Variants in EPHB4 observed in about 807,000 individuals in gnomAD.
EPHB4 encodes EPH receptor B4, also known as ephrin type-B receptor 4.
In EPHB4, 50 loss-of-function variants were observed where a neutral mutation model predicts 110.6. That is an observed-to-expected ratio of 0.45 (90% CI 0.36 to 0.57). EPHB4 has a LOEUF of 0.57. Ranked by LOEUF, EPHB4 falls within the 20% of genes least tolerant of loss-of-function variation. The probability of loss-of-function intolerance (pLI) is 0.00; values close to 1 mark genes in which losing one functional copy is unlikely to be tolerated. For missense variants in EPHB4, 1,128 were observed against 1,382.1 expected (o/e 0.82, Z 2.91); for synonymous variants, 592 against 578.4 (o/e 1.02, Z -0.34).
chr7:100,822,503 G>A lies in EPHB4; in HGVS notation c.576C>T (p.Leu192=), dbSNP rs1427578173. The A allele has an allele frequency of 1.2e-6, 2 of 1,613,424 alleles. No individual in the cohort carries two copies. The highest frequency in any genetic ancestry group is 2.2e-5 in the East Asian group (1 of 44,876). ...GACMALLSLH[L]FYKKCAQLTV... ...TCAGCTGGGCGCACTTTTTGTAGAA[G>A]AGGTGCAGGGATAGCAGGGCCATGC... Residue 192 remains leucine, a synonymous_variant, in exon 4 of 17, where the codon CTC becomes CTT. Transcript: ENST00000358173. The surrounding 1 kb of genome is among the most constrained non-coding windows in gnomAD (Gnocchi z 4.7).
At chr7:100,817,611 G>A (rs932944039) in intron 7 of EPHB4, among the ~76,000 whole-genome samples, 8 of 152,024 alleles carry the variant, frequency 5.3e-5, no homozygotes, top group Non-Finnish European at 1.0e-4. Context: ...ACCTCAAGTC[G>A]AGAATCACTT....
rs751727413 is a variant in EPHB4 at position 100,823,861 on chromosome 7, C to T, written c.194G>A (p.Arg65His). 2.5e-6 allele frequency: 4 copies of T among 1,612,394 alleles called. No individual in the cohort carries two copies. Among genetic ancestry groups the T allele is most frequent in the East Asian group, 4.5e-5 (2 of 44,850 alleles). The change falls in exon 3 of 17, where the codon CGT (arginine) becomes CAT (histidine). Residue 65 changes from arginine to histidine, a missense_variant. Arg to His is a conservative substitution (Grantham distance 29). Transcript: ENST00000358173. ...AAGCCAGTGGGCCTGGCCCGGGGCA[C>T]GCTGCACGTCACACACTTCGTAGGT... ...VRTYEVCDVQ[R>H]APGQAHWLRT...
intron 14 of EPHB4, 196 bp from the exon 15 acceptor site, chr7:100,805,890 C>T (rs1812808578): frequency 4.2e-6 from 2 of 480,702 alleles, no homozygotes; most frequent in South Asian, 6.4e-5. Context: ...GGCTATGATA[C>T]AGACATGTTA....
rs756371647 is a variant in EPHB4, at chr7:100,818,482, C to A, written c.1422+38G>T. 4 of 1,607,434 alleles carry A rather than the reference C, an allele frequency of 2.5e-6. No individual in the cohort carries two copies. In the African/African-American group the frequency reaches 4.0e-5, roughly 16 times the overall value. The stretch of plus-strand genomic sequence containing the variant: ...GTGTCCCAGCCAGGAGAGCACAACC[C>A]ATTGCCCACCCACCCCAGGGCTGGG... On this transcript the variant is annotated intron_variant, in intron 7 of 16. Transcript: ENST00000358173.
At chr7:100,826,251 G>A (rs988491242) in intron 1 of EPHB4, among the ~76,000 whole-genome samples, 2 of 152,146 alleles carry the variant, frequency 1.3e-5, no homozygotes, top group Non-Finnish European at 2.9e-5. Context: ...GGTTAGTTAG[G>A]GCGATGTGGG....
chr7:100,823,687 G>T lies in EPHB4; in HGVS notation c.368C>A (p.Ala123Asp), dbSNP rs1813298096. The stretch of plus-strand genomic sequence containing the variant: ...CATCCAGGCTGGCGTGAGGGCCGTG[G>T]CCGTGTCCGCATCGCTCTCATAGTA... ...VFYYESDADT[A>D]TALTPAWMEN... Residue 123 changes from alanine (A) to aspartate (D), a missense_variant, in exon 3 of 17, where the codon GCC (alanine) becomes GAC (aspartate). Transcript: ENST00000358173. 1 of 1,613,362 alleles carries T rather than the reference G, an allele frequency of 6.2e-7. No individual in the cohort carries two copies. Among genetic ancestry groups the T allele is most frequent in the African/African-American group, 1.3e-5 (1 of 74,936 alleles).
chr7:100,805,419 C>T lies in EPHB4; in HGVS notation c.2678+82G>A. On this transcript the variant is annotated intron_variant, in intron 15 of 16. Coordinates refer to ENST00000358173, the MANE Select transcript of EPHB4 (RefSeq NM_004444.5). ...GCAGAGGCGGACAGAGGCCCTCCCA[C>T]CCAACACCAATGAACGGACACTTCT... 2.5e-6 allele frequency: 4 copies of T among 1,576,282 alleles called. No homozygotes were observed. In the South Asian group the frequency reaches 3.5e-5, roughly 14 times the overall value.
At position 100,822,227 on chromosome 7, in the gene EPHB4, T is replaced by C. The variant is rs1195345281; in HGVS notation, c.808+44A>G. 3 of 1,531,536 alleles carry C rather than the reference T, an allele frequency of 2.0e-6. No individual in the cohort carries two copies. The highest frequency in any genetic ancestry group is 2.6e-6 in the Non-Finnish European group (3 of 1,140,126). The allele number at this position is 1,531,536 out of a possible 1,614,324, so 94.9% of individuals were successfully genotyped here. A position where few individuals can be genotyped will look rare whatever the true frequency, so the allele number is the denominator to read the frequency against. ...GGGTCCTGAGTGGAGTTCAGGACTC[T>C]CCCCCGGATGAGCAGCAGTCGCAGG... On this transcript the variant is annotated intron_variant, in intron 4 of 16. Transcript: ENST00000358173. The surrounding 1 kb of genome is among the most constrained non-coding windows in gnomAD (Gnocchi z 4.7).
intron 8 of EPHB4, among the ~76,000 whole-genome samples, chr7:100,815,473 G>A (rs1425493720): frequency 6.6e-6 from 1 of 152,192 alleles, no homozygotes; most frequent in African/African-American, 2.4e-5. Flanking sequence ...GCTTGCCAGG[G>A]ACTAAGGCAA....
intron 8 of EPHB4, 179 bp from the exon 9 acceptor site, chr7:100,814,200 C>G (rs1813013071): frequency 1.7e-6 from 1 of 603,694 alleles, no homozygotes; most frequent in Non-Finnish European, 2.8e-6. Flanking sequence ...CAAACTCTCC[C>G]CCAGGGGCCA....
chr7:100,805,825 A>C, intron 14 of EPHB4, 131 bp from the exon 15 acceptor site: 2 of 906,186 alleles, frequency 2.2e-6, no homozygotes, highest in South Asian at 3.2e-5. Context: ...CAGATCCAGG[A>C]ATCCTCCTAG....
Position 100,806,551 on chromosome 7 carries a change from G to A in EPHB4, c.2353C>T (p.Arg785Ter), listed in dbSNP as rs1562967226. Residue 785 changes from arginine (R) to a stop codon, truncating the protein, a stop_gained, in exon 14 of 17, where the codon CGA becomes TGA. Transcript: ENST00000358173. LOFTEE classifies it high-confidence loss of function. ...GCAATGGCCTCCGGGGCAGTCCATC[G>A]GATGGGAATCTTTCCTCCCTGCAGA... ...TSSLGGKIPI[R>*]WTAPEAIAFR... 3 of 1,613,814 alleles carry A rather than the reference G, an allele frequency of 1.9e-6. No homozygotes were observed. Among genetic ancestry groups the A allele is most frequent in the Non-Finnish European group, 2.5e-6 (3 of 1,179,886 alleles).
At chr7:100,815,974 AAG>A (rs1179926051) in intron 8 of EPHB4, among the ~76,000 whole-genome samples, 54 of 150,378 alleles carry the variant, frequency 3.6e-4, no homozygotes, top group African/African-American at 1.1e-3. Flanking sequence ...GGTGATAAAA[AAG>A]ACCGTGTCTC....
rs779675896 is a variant in EPHB4 at position 100,827,079 on chromosome 7, GC to G, written c.-50del. 4.5e-6 allele frequency: 7 copies of G among 1,545,940 alleles called. No homozygotes were observed. The highest frequency in any genetic ancestry group is 2.4e-5 in the South Asian group (2 of 83,874). On this transcript the variant is annotated 5_prime_UTR_variant, in exon 1 of 17. Coordinates refer to ENST00000358173, the MANE Select transcript of EPHB4 (RefSeq NM_004444.5). ...TCCGAACTGAGTTTGGGGGGCCCTC[GC>G]CCCCCCAGGTCTGACTCTCCCTGGG...
chr7:100,812,303 G>C (rs1469225782), intron 12 of EPHB4, among the ~76,000 whole-genome samples: 1 of 151,542 alleles, frequency 6.6e-6, no homozygotes, highest in Admixed American at 6.6e-5. Flanking sequence ...TAAAGGCAGA[G>C]GGCTGGCCAG....
intron 10 of EPHB4, 41 bp from the exon 11 acceptor site, chr7:100,813,249 C>A (rs377130068): frequency 2.0e-6 from 3 of 1,528,796 alleles, no homozygotes; most frequent in Non-Finnish European, 1.8e-6. Context: ...GGAATTAACT[C>A]CCACTGGACT....
At chr7:100,806,643 G>A in intron 13 of EPHB4, 74 bp from the exon 14 acceptor site, 1 of 1,508,498 alleles carries the variant, frequency 6.6e-7, no homozygotes, top group Non-Finnish European at 8.9e-7. Flanking sequence ...CTGCCCCCCA[G>A]TCCCCCACCT....
At chr7:100,820,646 T>C (rs1445169875) in intron 4 of EPHB4, among the ~76,000 whole-genome samples, 1 of 152,088 alleles carries the variant, frequency 6.6e-6, no homozygotes, top group Non-Finnish European at 1.5e-5. Context: ...GAAAGACCTC[T>C]ACTCCAACTT....
Position 100,806,457 on chromosome 7 carries a change from A to T in EPHB4, c.2447T>A (p.Phe816Tyr). The change falls in exon 14 of 17, where the codon TTT becomes TAT. Residue 816 changes from phenylalanine to tyrosine, a missense_variant. Phe to Tyr is a conservative substitution (Grantham distance 22, BLOSUM62 3). Coordinates refer to ENST00000358173, the MANE Select transcript of EPHB4 (RefSeq NM_004444.5). ...YGIVMWEVMS[F>Y]GERPYWDMSN... ...CATGTCCCAGTACGGCCTCTCCCCA[A>T]ATGACATCACCTCCCACATCACAAT... is the stretch of plus-strand genomic sequence containing the variant. The T allele has an allele frequency of 6.2e-7, 1 of 1,613,990 alleles. No individual in the cohort carries two copies. The highest frequency in any genetic ancestry group is 8.5e-7 in the Non-Finnish European group (1 of 1,179,986).
Sources: gnomAD v4.1 joint callset for allele counts (sites outside exome capture counted in the v4.1 genomes callset) on GRCh38, gnomAD v4.1.1 for gene constraint, Gnocchi (gnomAD v3.1) non-coding constraint, MANE v1.5 for transcripts, NCBI Gene and HGNC (gene_info 2026-07-23, HGNC 2026-07-21) for gene names.